CSNK1D: variants seen among roughly 807,000 people sequenced by gnomAD.
The protein encoded by CSNK1D is casein kinase I isoform delta.
Under a neutral mutation model 46.6 loss-of-function variants are expected in CSNK1D, and 16 were observed. That is an observed-to-expected ratio of 0.34 (90% CI 0.23 to 0.52). The LOEUF is 0.52. CSNK1D is among the 20% of genes least tolerant of loss of function. The pLI is 0.95. For missense variants in CSNK1D, 398 were observed against 578.4 expected (o/e 0.69, Z 3.20); for synonymous variants, 276 against 228.2 (o/e 1.21, Z -1.89).
rs542777757 is a variant in CSNK1D, at chr17:82,247,282, G to C, written c.1197+1593C>G. The C allele has an allele frequency of 4.1e-5, 40 of 985,388 alleles. No homozygotes were observed. In the African/African-American group the frequency reaches 6.8e-4, roughly 17 times the overall value. 61.0% of individuals were successfully genotyped at this position (985,388 alleles called of 1,614,324 possible). On this transcript the variant is annotated intron_variant, in intron 8 of 8. Coordinates refer to ENST00000314028, the MANE Select transcript of CSNK1D (RefSeq NM_001893.6). ...ACCATGGAAGGAGACACTGCTCACG[G>C]CCACCTTGGGGGCTGGTGGCTACAA...
At chr17:82,264,758 C>A (rs1046129728) in intron 2 of CSNK1D, among the ~76,000 whole-genome samples, 7 of 151,760 alleles carry the variant, frequency 4.6e-5, no homozygotes, top group Non-Finnish European at 8.8e-5. Flanking sequence ...GAGGGGCACA[C>A]GACACCACGG....
chr17:82,273,392 G>A lies in CSNK1D; in HGVS notation c.-11C>T. ...GACTCTCAGCTCCATGGCGGCGGCG[G>A]CCCGATTCGCTCCTGCCCTCCCGGC... On this transcript the variant is annotated 5_prime_UTR_variant, in exon 1 of 9. Coordinates refer to ENST00000314028, the MANE Select transcript of CSNK1D (RefSeq NM_001893.6). This position sits in a 1 kb window ranked among gnomAD's most constrained non-coding sequence, Gnocchi z 5.1. 9.3e-6 allele frequency: 15 copies of A among 1,610,422 alleles called. No homozygotes were observed. Among genetic ancestry groups the A allele is most frequent in the Non-Finnish European group, 1.2e-5 (14 of 1,179,250 alleles).
In CSNK1D at chr17:82,273,605, G is replaced by T; in HGVS notation, c.-224C>A. 1.7e-6 allele frequency: 1 copy of T among 577,846 alleles called. No homozygotes were observed. The highest frequency in any genetic ancestry group is 2.1e-5 in the South Asian group (1 of 46,780). 35.8% of individuals were successfully genotyped at this position (577,846 alleles called of 1,614,324 possible). A position where few individuals can be genotyped will look rare whatever the true frequency, so the allele number is the denominator to read the frequency against. ...CGCCGCCGCTGCTCCGGCCCCTACC[G>T]GTCCCGCTTGCCCTCTCCCCGCCGC... On this transcript the variant is annotated 5_prime_UTR_variant, in exon 1 of 9. Coordinates refer to ENST00000314028, the MANE Select transcript of CSNK1D (RefSeq NM_001893.6). The surrounding 1 kb of genome is among the most constrained non-coding windows in gnomAD (Gnocchi z 5.1).
chr17:82,240,304 G>A (rs1041045406), downstream of CSNK1D, among the ~76,000 whole-genome samples: 2 of 152,220 alleles, frequency 1.3e-5, no homozygotes, highest in African/African-American at 2.4e-5. Context: ...CCACCCAGCA[G>A]CTGAAGGGAG....
In CSNK1D at chr17:82,250,016, G is replaced by A. The variant is rs1436919963; in HGVS notation, c.886-414C>T. ...CTGGGGAGGAAAGCGGGGTGGGGAT[G>A]AGAGCGTTTGGTCGGACGAGGAGTA... On this transcript the variant is annotated intron_variant, in intron 6 of 8. Coordinates refer to ENST00000314028, the MANE Select transcript of CSNK1D (RefSeq NM_001893.6). This position sits in a 1 kb window ranked among gnomAD's most constrained non-coding sequence, Gnocchi z 4.6. The A allele has an allele frequency of 1.6e-6, 2 of 1,239,688 alleles. No homozygotes were observed. The highest frequency in any genetic ancestry group is 2.1e-6 in the Non-Finnish European group (2 of 963,842). The allele number at this position is 1,239,688 out of a possible 1,614,324, so 76.8% of individuals were successfully genotyped here.
intron 8 of CSNK1D, 127 bp from the exon 9 acceptor site, chr17:82,244,958 T>C: frequency 8.1e-7 from 1 of 1,227,656 alleles, no homozygotes. Flanking sequence ...TCTAGACGCC[T>C]GCGTCCCCCG....
intron 1 of CSNK1D, among the ~76,000 whole-genome samples, chr17:82,266,256 T>C (rs186624506): frequency 0.012 from 1,803 of 152,280 alleles, 25 homozygotes; most frequent in Middle Eastern, 0.02. Context: ...TTTTACCCAA[T>C]AGCCACAGTC....
chr17:82,252,192 C>T lies in CSNK1D; in HGVS notation c.736+242G>A, dbSNP rs1180236802. On this transcript the variant is annotated intron_variant, in intron 5 of 8. Transcript: ENST00000314028. This position sits in a 1 kb window ranked among gnomAD's most constrained non-coding sequence, Gnocchi z 4.6. ...GCCCTGAGGCTCGGGCCTGCCTTGC[C>T]TGCCATCTCTCCAGGGCCTCCAAGT... is the stretch of plus-strand genomic sequence containing the variant. 6.6e-6 allele frequency among the ~76,000 whole-genome samples: 1 copy of T among 152,220 alleles called. No individual in the cohort carries two copies. The highest frequency in any genetic ancestry group is 1.5e-5 in the Non-Finnish European group (1 of 68,036).
At position 82,250,242 on chromosome 17, in the gene CSNK1D, G is replaced by C; in HGVS notation, c.886-640C>G. The C allele has an allele frequency of 7.8e-7, 1 of 1,282,914 alleles. No homozygotes were observed. The highest frequency in any genetic ancestry group is 1.0e-6 in the Non-Finnish European group (1 of 982,712). The allele number at this position is 1,282,914 out of a possible 1,614,324, so 79.5% of individuals were successfully genotyped here. ...GCAGGGGCCTGCAAACTACAGCCCC[G>C]GGGCCAAACCCAGGTGCCACTTCTT... On this transcript the variant is annotated intron_variant, in intron 6 of 8. Coordinates refer to ENST00000314028, the MANE Select transcript of CSNK1D (RefSeq NM_001893.6). This position sits in a 1 kb window ranked among gnomAD's most constrained non-coding sequence, Gnocchi z 4.6.
downstream of CSNK1D, chr17:82,240,070 G>A: frequency 6.5e-6 from 8 of 1,233,764 alleles, no homozygotes; most frequent in Non-Finnish European, 8.1e-6. Context: ...CCTCTGCAAT[G>A]AAAAGCAAGC....
chr17:82,252,980 C>G lies in CSNK1D; in HGVS notation c.565+36G>C. 2 of 1,593,556 alleles carry G rather than the reference C, an allele frequency of 1.3e-6. No homozygotes were observed. Among genetic ancestry groups the G allele is most frequent in the Non-Finnish European group, 1.7e-6 (2 of 1,161,976 alleles). On this transcript the variant is annotated intron_variant, in intron 4 of 8. Transcript: ENST00000314028. This position sits in a 1 kb window ranked among gnomAD's most constrained non-coding sequence, Gnocchi z 4.6. ...GCTGAGGCATGGACGCGCCCAAAGG[C>G]ACCCCAGGTCAGTGACCCCATGCCC...
intron 1 of CSNK1D, among the ~76,000 whole-genome samples, chr17:82,271,548 C>T (rs993462886): frequency 6.6e-6 from 1 of 152,210 alleles, no homozygotes; most frequent in African/African-American, 2.4e-5. Context: ...TCCAGCTGAC[C>T]ACCTGGTATA....
At chr17:82,267,171 T>A (rs1235745309) in intron 1 of CSNK1D, 1 of 152,110 alleles carries the variant, frequency 6.6e-6, no homozygotes, top group Non-Finnish European at 1.5e-5. Flanking sequence ...GAGACTTCCT[T>A]CCCTGAGAGA....
At position 82,251,269 on chromosome 17, in the gene CSNK1D, G is replaced by A; in HGVS notation, c.885+110C>T. On this transcript the variant is annotated intron_variant, in intron 6 of 8. Transcript: ENST00000314028. The surrounding 1 kb of genome is among the most constrained non-coding windows in gnomAD (Gnocchi z 4.5). ...ACTACACACTTGCCCTTCACAACCA[G>A]AGACACTCCCTATATGGTACAGCCC... The A allele has an allele frequency of 7.5e-7, 1 of 1,329,884 alleles. No individual in the cohort carries two copies. The highest frequency in any genetic ancestry group is 1.2e-5 in the South Asian group (1 of 81,694). 82.4% of individuals were successfully genotyped at this position (1,329,884 alleles called of 1,614,324 possible).
chr17:82,261,629 C>A (rs900703307), intron 2 of CSNK1D, among the ~76,000 whole-genome samples: 1 of 152,092 alleles, frequency 6.6e-6, no homozygotes, highest in Non-Finnish European at 1.5e-5. Flanking sequence ...GATGACAAAG[C>A]AACAAAAACT....
chr17:82,248,590 C>G lies in CSNK1D; in HGVS notation c.1197+285G>C, dbSNP rs2050910515. On this transcript the variant is annotated intron_variant, in intron 8 of 8. Coordinates refer to ENST00000314028, the MANE Select transcript of CSNK1D (RefSeq NM_001893.6). This position sits in a 1 kb window ranked among gnomAD's most constrained non-coding sequence, Gnocchi z 4.1. ...GGGGACGGCTGCGGGCAGCGGGGCA[C>G]TCAAACAGCAGGAGAAAGCCCCCAC... 1.6e-6 allele frequency: 2 copies of G among 1,281,892 alleles called. No homozygotes were observed. The highest frequency in any genetic ancestry group is 2.0e-6 in the Non-Finnish European group (2 of 1,005,690). 79.4% of individuals were successfully genotyped at this position (1,281,892 alleles called of 1,614,324 possible). A position where few individuals can be genotyped will look rare whatever the true frequency, so the allele number is the denominator to read the frequency against.
Position 82,242,986 on chromosome 17 carries a change from T to G in CSNK1D, c.*1795A>C, listed in dbSNP as rs2050765893. The G allele has an allele frequency of 2.0e-6, 2 of 985,302 alleles. No homozygotes were observed. Among genetic ancestry groups the G allele is most frequent in the Non-Finnish European group, 2.4e-6 (2 of 829,942 alleles). 61.0% of individuals were successfully genotyped at this position (985,302 alleles called of 1,614,324 possible). ...ACTTCAGGCCACAGCGCGACGTCTC[T>G]CCGGGTGGGGGACGTCTACCTTCAA... On this transcript the variant is annotated 3_prime_UTR_variant, in exon 9 of 9. Transcript: ENST00000314028.
intron 8 of CSNK1D, chr17:82,246,488 T>C (rs1000071215): frequency 3.7e-6 from 4 of 1,093,198 alleles, no homozygotes; most frequent in African/African-American, 1.6e-5. Context: ...CAAGGCCTTC[T>C]TCTCACCAAG....
chr17:82,273,701 G>T (rs904744729), upstream of CSNK1D: 10 of 497,182 alleles, frequency 2.0e-5, no homozygotes, highest in African/African-American at 1.4e-4. The surrounding 1 kb of genome is among the most constrained non-coding windows in gnomAD (Gnocchi z 5.1). Context: ...ATCGCGCTGT[G>T]ACGTCACTTC....
Sources: allele counts gnomAD v4.1 joint callset (sites outside exome capture counted in the v4.1 genomes callset), GRCh38; gene constraint gnomAD v4.1.1; non-coding constraint Gnocchi (gnomAD v3.1); transcripts MANE v1.5; gene names NCBI Gene and HGNC (gene_info 2026-07-23, HGNC 2026-07-21).